The following ST6GALNAC3 variants were observed in gnomAD, a reference collection of about 807,000 sequenced individuals.
ST6GALNAC3 encodes the protein alpha-N-acetylgalactosaminide alpha-2,6-sialyltransferase 3.
In ST6GALNAC3, 25 loss-of-function variants were observed where a neutral mutation model predicts 32.7. That is an observed-to-expected ratio of 0.76 (90% confidence interval 0.56 to 1.07). The LOEUF is 1.07. ST6GALNAC3 is among the 50% of genes least tolerant of loss of function. ST6GALNAC3 has a pLI of 0.00. For synonymous variants in ST6GALNAC3, 129 were observed against 133.1 expected (o/e 0.97, Z 0.21); for missense variants, 355 against 382.4 (o/e 0.93, Z 0.60).
rs531923023 is a variant in ST6GALNAC3 at position 76,506,154 on chromosome 1, T to C, written c.623+93737T>C. Among the ~76,000 whole-genome samples the C allele has an allele frequency of 2.0e-5, 3 of 152,324 alleles. No homozygotes were observed. The East Asian group carries it at 5.8e-4, about 29-fold the overall frequency. ...TTACAATACATGTAGAACCCTTTAC[T>C]CTGCTGAATCTTGAGGCCCTTGCAA... On this transcript the variant is annotated intron_variant, in intron 3 of 4. Transcript: ENST00000328299.
intron 1 of ST6GALNAC3, among the ~76,000 whole-genome samples, chr1:76,155,766 C>T (rs1485803311): frequency 1.3e-5 from 2 of 152,082 alleles, no homozygotes; most frequent in Non-Finnish European, 2.9e-5. Flanking sequence ...TGTGAGCCAC[C>T]GCGCCCGGCC....
At chr1:76,084,991 G>A (rs534877449) in intron 1 of ST6GALNAC3, among the ~76,000 whole-genome samples, 14 of 152,254 alleles carry the variant, frequency 9.2e-5, no homozygotes, top group African/African-American at 3.4e-4. Context: ...ACCAGCATGA[G>A]AGTGCTAGAC....
At chr1:76,456,410 A>ACAC (rs1419149632) in intron 3 of ST6GALNAC3, among the ~76,000 whole-genome samples, 1 of 151,772 alleles carries the variant, frequency 6.6e-6, no homozygotes, top group Non-Finnish European at 1.5e-5. Flanking sequence ...GCAGTGGTGC[A>ACAC]ATCTCGGCTC....
intron 2 of ST6GALNAC3, among the ~76,000 whole-genome samples, chr1:76,397,470 A>C (rs1045038174): frequency 1.3e-5 from 2 of 149,654 alleles, no homozygotes; most frequent in African/African-American, 2.5e-5. Context: ...CCTTGGTTCA[A>C]GTTGTTCTCC....
chr1:76,113,213 C>T (rs1267336054), intron 1 of ST6GALNAC3, among the ~76,000 whole-genome samples: 2 of 151,984 alleles, frequency 1.3e-5, no homozygotes, highest in Admixed American at 1.3e-4. Context: ...GCGGCGCGCG[C>T]CTGCAATCGC....
At position 76,603,073 on chromosome 1, in the gene ST6GALNAC3, T is replaced by G. The variant is rs927002937; in HGVS notation, c.624-24379T>G. On this transcript the variant is annotated intron_variant, in intron 3 of 4. Transcript: ENST00000328299. ...CACCAGATTGGCAAAAATTTTAGTC[T>G]GAAAATATAAGTACTACTGAAGACG... Among the ~76,000 whole-genome samples, 3 of 152,198 alleles carry G rather than the reference T, an allele frequency of 2.0e-5. No individual in the cohort carries two copies. In the East Asian group the frequency reaches 5.8e-4, roughly 29 times the overall value.
At chr1:76,169,370 T>C (rs1351305209) in intron 1 of ST6GALNAC3, among the ~76,000 whole-genome samples, 1 of 152,200 alleles carries the variant, frequency 6.6e-6, no homozygotes, top group Non-Finnish European at 1.5e-5. Flanking sequence ...TCTCTCTAGC[T>C]ACCTTTAACA....
chr1:76,196,122 T>G (rs2100522593), intron 1 of ST6GALNAC3, among the ~76,000 whole-genome samples: 1 of 152,356 alleles, frequency 6.6e-6, no homozygotes, highest in African/African-American at 2.4e-5. Context: ...AGAACAGAGC[T>G]TGGCACACAG....
At chr1:76,475,238 G>C (rs536233793) in intron 3 of ST6GALNAC3, among the ~76,000 whole-genome samples, 29 of 152,264 alleles carry the variant, frequency 1.9e-4, no homozygotes, top group Middle Eastern at 3.4e-3. Context: ...ACAGTGTAGT[G>C]TAGCGGCTTA....
intron 2 of ST6GALNAC3, among the ~76,000 whole-genome samples, chr1:76,318,075 A>ATTTT (rs1557781939): frequency 1.2e-4 from 18 of 150,484 alleles, no homozygotes; most frequent in African/African-American, 3.9e-4. Context: ...TTTTTTTTAA[A>ATTTT]AAAAATAATC....
chr1:76,546,638 C>T (rs1664315079), intron 3 of ST6GALNAC3, among the ~76,000 whole-genome samples: 1 of 152,140 alleles, frequency 6.6e-6, no homozygotes, highest in African/African-American at 2.4e-5. Context: ...AAAGAGAATC[C>T]AAACACAGAG....
intron 1 of ST6GALNAC3, among the ~76,000 whole-genome samples, chr1:76,214,962 T>G (rs894324911): frequency 1.3e-5 from 2 of 152,280 alleles, no homozygotes; most frequent in South Asian, 4.1e-4. Flanking sequence ...AATCACTGTT[T>G]CTTCATCCTC....
intron 4 of ST6GALNAC3, 135 bp from the exon 5 acceptor site, chr1:76,628,485 A>C: frequency 1.2e-6 from 1 of 840,108 alleles, no homozygotes; most frequent in South Asian, 2.2e-5. Flanking sequence ...ATAGCTTTTA[A>C]CTGAGTTCAT....
intron 1 of ST6GALNAC3, among the ~76,000 whole-genome samples, chr1:76,210,375 A>G (rs1000305537): frequency 3.3e-5 from 5 of 152,164 alleles, no homozygotes; most frequent in South Asian, 2.1e-4. Context: ...TGCTGAAGTT[A>G]TAGTACATTT....
intron 3 of ST6GALNAC3, among the ~76,000 whole-genome samples, chr1:76,481,215 C>A (rs1390479635): frequency 1.3e-5 from 2 of 152,052 alleles, no homozygotes; most frequent in African/African-American, 4.8e-5. Flanking sequence ...AGAAAATAGG[C>A]CTAATTGGAG....
At chr1:76,309,613 G>C (rs1401653564) in intron 1 of ST6GALNAC3, among the ~76,000 whole-genome samples, 1 of 152,166 alleles carries the variant, frequency 6.6e-6, no homozygotes, top group East Asian at 1.9e-4. Context: ...GTACTTGAAG[G>C]TATGCCTTTT....
chr1:76,287,935 C>G (rs1659874626), intron 1 of ST6GALNAC3, among the ~76,000 whole-genome samples: 1 of 152,152 alleles, frequency 6.6e-6, no homozygotes, highest in African/African-American at 2.4e-5. Flanking sequence ...GTACCTTTGT[C>G]CAAGGTCCTA....
At chr1:76,414,683 G>A (rs1654494635) in intron 3 of ST6GALNAC3, among the ~76,000 whole-genome samples, 1 of 151,916 alleles carries the variant, frequency 6.6e-6, no homozygotes, top group Admixed American at 6.6e-5. Context: ...GACCAGTATG[G>A]TTTCATCTAT....
intron 1 of ST6GALNAC3, among the ~76,000 whole-genome samples, chr1:76,269,479 C>T (rs1487614524): frequency 6.6e-6 from 1 of 152,212 alleles, no homozygotes; most frequent in Non-Finnish European, 1.5e-5. Flanking sequence ...GTTAGAAATA[C>T]AGAGTCTTAG....
Sources: gnomAD v4.1 joint callset for allele counts (sites outside exome capture counted in the v4.1 genomes callset) on GRCh38, gnomAD v4.1.1 for gene constraint, MANE v1.5 for transcripts, NCBI Gene and HGNC (gene_info 2026-07-23, HGNC 2026-07-21) for gene names.